The following MDFIC2 variants were observed in gnomAD, a reference collection of about 807,000 sequenced individuals.
MDFIC2 encodes the protein myoD family inhibitor domain-containing protein 2.
intron 2 of MDFIC2, among the ~76,000 whole-genome samples, chr3:70,224,104 C>T (rs1410431228): frequency 1.3e-5 from 2 of 152,082 alleles, no homozygotes; most frequent in African/African-American, 4.8e-5. Flanking sequence ...ATCCAAATCC[C>T]TGTGTGTATC....
At position 70,195,466 on chromosome 3, in the gene MDFIC2, A is replaced by T. The variant is rs2106715142; in HGVS notation, c.*1460T>A. On this transcript the variant is annotated 3_prime_UTR_variant, in exon 4 of 4. Coordinates refer to ENST00000567252, the MANE Select transcript of MDFIC2 (RefSeq NM_001364677.1). ...GTTTACAAATATTTTTAACAGATGA[A>T]TAGTTTTCAATGTTTGGGAGAGTTT... Among the ~76,000 whole-genome samples, 1 of 152,320 alleles carries T rather than the reference A, an allele frequency of 6.6e-6. No individual in the cohort carries two copies. The highest frequency in any genetic ancestry group is 1.9e-4 in the East Asian group (1 of 5,172).
chr3:70,208,832 A>T (rs1701314319), intron 2 of MDFIC2, among the ~76,000 whole-genome samples: 1 of 152,046 alleles, frequency 6.6e-6, no homozygotes, highest in Non-Finnish European at 1.5e-5. Context: ...CTTGGTTTTC[A>T]ACAGTGTTTA....
chr3:70,253,632 A>T (rs1179443085), intron 2 of MDFIC2, among the ~76,000 whole-genome samples: 1 of 152,178 alleles, frequency 6.6e-6, no homozygotes, highest in Non-Finnish European at 1.5e-5. Flanking sequence ...CTAAGGCAGG[A>T]GGATGGCTTG....
At chr3:70,261,356 A>G (rs1220718122) in intron 2 of MDFIC2, among the ~76,000 whole-genome samples, 6 of 152,336 alleles carry the variant, frequency 3.9e-5, no homozygotes, top group Admixed American at 3.9e-4. Flanking sequence ...TGCTTCAAAA[A>G]AAGTTGATGT....
chr3:70,268,029 TCTC>T (rs201481273), intron 2 of MDFIC2, among the ~76,000 whole-genome samples: 2,651 of 149,406 alleles, frequency 0.018, 84 homozygotes, highest in African/African-American at 0.061. Context: ...TCTTCCTCTT[TCTC>T]CTCCTCCTCC....
At chr3:70,229,800 T>C (rs62254856) in intron 2 of MDFIC2, among the ~76,000 whole-genome samples, 27,416 of 152,122 alleles carry the variant, frequency 0.18, 2,759 homozygotes, top group Non-Finnish European at 0.23. Context: ...AAGAATTCAC[T>C]TTTATTAAAT....
chr3:70,238,251 A>G (rs1701631987), intron 2 of MDFIC2, among the ~76,000 whole-genome samples: 2 of 151,768 alleles, frequency 1.3e-5, no homozygotes, highest in African/African-American at 4.8e-5. Flanking sequence ...CTCTCCTTCT[A>G]TGTAAGGTGT....
At chr3:70,268,963 C>A (rs1399536788) in intron 2 of MDFIC2, among the ~76,000 whole-genome samples, 2 of 151,826 alleles carry the variant, frequency 1.3e-5, no homozygotes, top group Non-Finnish European at 2.9e-5. Flanking sequence ...TCCTTTGAAC[C>A]AGGAAAAATC....
intron 2 of MDFIC2, among the ~76,000 whole-genome samples, chr3:70,273,923 C>A (rs1010262313): frequency 2.0e-5 from 3 of 152,024 alleles, no homozygotes; most frequent in Non-Finnish European, 1.5e-5. Flanking sequence ...CCTCCTTGGC[C>A]CCCAGAGCAG....
chr3:70,265,787 G>T (rs1464774843), intron 2 of MDFIC2, among the ~76,000 whole-genome samples: 1 of 152,184 alleles, frequency 6.6e-6, no homozygotes, highest in African/African-American at 2.4e-5. Context: ...TTATAATCAT[G>T]ATGGGAGGCA....
At chr3:70,259,003 A>G (rs1177040423) in intron 2 of MDFIC2, among the ~76,000 whole-genome samples, 1 of 152,218 alleles carries the variant, frequency 6.6e-6, no homozygotes. Context: ...TGCAAGATAT[A>G]TAATAAAGGT....
At chr3:70,252,706 T>C (rs1701780873) in intron 2 of MDFIC2, among the ~76,000 whole-genome samples, 1 of 152,324 alleles carries the variant, frequency 6.6e-6, no homozygotes, top group African/African-American at 2.4e-5. Flanking sequence ...TTTATTTTTT[T>C]AAATTGAATG....
At chr3:70,310,776 T>C (rs1383835954) in intron 2 of MDFIC2, among the ~76,000 whole-genome samples, 1 of 152,120 alleles carries the variant, frequency 6.6e-6, no homozygotes, top group Non-Finnish European at 1.5e-5. Context: ...AGGAAAACAT[T>C]TTTGAGCACA....
chr3:70,277,094 C>T (rs997243569), intron 2 of MDFIC2, among the ~76,000 whole-genome samples: 2 of 152,062 alleles, frequency 1.3e-5, no homozygotes, highest in East Asian at 1.9e-4. Context: ...TTCAATGAGG[C>T]GTGAGAAACA....
chr3:70,269,414 C>A (rs1166290741), intron 2 of MDFIC2, among the ~76,000 whole-genome samples: 5 of 152,156 alleles, frequency 3.3e-5, no homozygotes, highest in African/African-American at 1.2e-4. Flanking sequence ...TGAGTTTTGG[C>A]CAATCAAAGG....
At chr3:70,264,897 G>A (rs545066439) in intron 2 of MDFIC2, among the ~76,000 whole-genome samples, 1 of 152,126 alleles carries the variant, frequency 6.6e-6, no homozygotes, top group Non-Finnish European at 1.5e-5. Context: ...CAGGAAAGAC[G>A]ATTAATTGAC....
At chr3:70,263,056 T>A (rs1183452003) in intron 2 of MDFIC2, among the ~76,000 whole-genome samples, 1 of 152,176 alleles carries the variant, frequency 6.6e-6, no homozygotes, top group Non-Finnish European at 1.5e-5. Flanking sequence ...AGGTAATTCA[T>A]CTCTCTCTTT....
intron 2 of MDFIC2, among the ~76,000 whole-genome samples, chr3:70,231,083 A>G (rs1359329768): frequency 6.6e-6 from 1 of 152,152 alleles, no homozygotes; most frequent in East Asian, 1.9e-4. Context: ...CTGACATAAC[A>G]GCTCTATTGT....
chr3:70,212,737 A>AAC (rs373109485), intron 2 of MDFIC2, among the ~76,000 whole-genome samples: 3 of 151,936 alleles, frequency 2.0e-5, no homozygotes, highest in East Asian at 1.9e-4. Context: ...ACACATCATG[A>AAC]ACACACACAC....
Sources: allele counts gnomAD v4.1 joint callset (sites outside exome capture counted in the v4.1 genomes callset), GRCh38; gene constraint gnomAD v4.1.1; transcripts MANE v1.5; gene names NCBI Gene and HGNC (gene_info 2026-07-23, HGNC 2026-07-21).